RFC1: variants seen among roughly 807,000 people sequenced by gnomAD.
The protein encoded by RFC1 is A1 140 kDa subunit.
A neutral mutation model predicts 137.4 loss-of-function variants in RFC1; 37 were observed. The observed-to-expected ratio is 0.27, with a 90% CI of 0.21 to 0.35. RFC1 has a LOEUF of 0.35. RFC1 is among the 10% of genes least tolerant of loss of function. The pLI is 1.00. For missense variants in RFC1, 1,205 were observed against 1,358.5 expected (o/e 0.89, Z 1.78); for synonymous variants, 429 against 455.7 (o/e 0.94, Z 0.75).
chr4:39,300,629 T>C (rs6531709), intron 19 of RFC1, among the ~76,000 whole-genome samples: 1 of 152,076 alleles, frequency 6.6e-6, no homozygotes, highest in Non-Finnish European at 1.5e-5. Flanking sequence ...TGAAACTATG[T>C]TCACACAAAA....
chr4:39,302,831 C>A lies in RFC1; in HGVS notation c.2246G>T (p.Cys749Phe). 1 of 1,593,832 alleles carries A rather than the reference C, an allele frequency of 6.3e-7. No homozygotes were observed. The highest frequency in any genetic ancestry group is 1.2e-5 in the South Asian group (1 of 86,492). ...GGGATGATTTCTATCATTGCACATA[C>A]AAATAATGGGAATTTTAGTATGTTT... is the stretch of plus-strand genomic sequence containing the variant. ...LIKHTKIPII[C>F]MCNDRNHPKI... is the part of the protein sequence containing the mutation. Residue 749 changes from cysteine (C) to phenylalanine (F), a missense_variant, in exon 17 of 25, where the codon TGT becomes TTT. Transcript: ENST00000349703.
In RFC1 at chr4:39,306,488, C is replaced by G; in HGVS notation, c.1995+104G>C. The G allele has an allele frequency of 1.4e-5, 8 of 585,632 alleles. 1 individual carries two copies. The South Asian group carries it at 1.8e-4, about 13-fold the overall frequency. 36.3% of individuals were successfully genotyped at this position (585,632 alleles called of 1,614,324 possible). ...AATAAACACAGTTTATATATAGACA[C>G]CACACACACACATGCACACGCACAG... On this transcript the variant is annotated intron_variant, in intron 14 of 24. Coordinates refer to ENST00000349703, the MANE Select transcript of RFC1 (RefSeq NM_002913.5).
chr4:39,324,315 T>C (rs576944612), intron 6 of RFC1, among the ~76,000 whole-genome samples: 1 of 152,312 alleles, frequency 6.6e-6, no homozygotes, highest in African/African-American at 2.4e-5. Context: ...TTAATCAGAT[T>C]AATAAATTAC....
At chr4:39,358,513 C>T (rs987360477) in intron 1 of RFC1, among the ~76,000 whole-genome samples, 1 of 152,014 alleles carries the variant, frequency 6.6e-6, no homozygotes, top group African/African-American at 2.4e-5. Flanking sequence ...GAAAACGCAC[C>T]GTGAGCCACG....
intron 2 of RFC1, among the ~76,000 whole-genome samples, chr4:39,348,435 A>AAAAGAAAAGAAAAG (rs1740990262): frequency 1.1e-5 from 1 of 87,670 alleles, no homozygotes; most frequent in Non-Finnish European, 2.5e-5. Flanking sequence ...AAAAGAAAAG[A>AAAAGAAAAGAAAAG]AAAGAAAAGA....
chr4:39,303,121 T>C lies in RFC1; in HGVS notation c.2141A>G (p.His714Arg). The change falls in exon 16 of 25, where the codon CAT becomes CGT. Residue 714 changes from histidine to arginine, a missense_variant. This residue lies in a region of RFC1 where 962 missense variants were observed against 1,035.3 expected (regional missense o/e 0.93). Transcript: ENST00000349703. ...ATCTACTTCATCCATGATGAGAGCATGTTTCGTGCTTACTGAAGAGGCTGC... is the reference window on the plus strand; with the variant it reads ...ATCTACTTCATCCATGATGAGAGCACGTTTCGTGCTTACTGAAGAGGCTGC... ...NGAASSVSTK[H>R]ALIMDEVDGM... 1.2e-6 allele frequency: 2 copies of C among 1,613,952 alleles called. No individual in the cohort carries two copies. Among genetic ancestry groups the C allele is most frequent in the Non-Finnish European group, 8.5e-7 (1 of 1,179,890 alleles).
chr4:39,351,041 G>A (rs538740467), intron 2 of RFC1, among the ~76,000 whole-genome samples: 1 of 152,012 alleles, frequency 6.6e-6, no homozygotes, highest in Admixed American at 6.6e-5. Context: ...ACGAGGTCAG[G>A]AGATCGAGAC....
chr4:39,290,803 AG>A (rs1304617006), intron 23 of RFC1, among the ~76,000 whole-genome samples: 1 of 136,542 alleles, frequency 7.3e-6, no homozygotes, highest in African/African-American at 3.0e-5. Context: ...CAACAGAGCT[AG>A]ACTGTCTCAA....
intron 22 of RFC1, among the ~76,000 whole-genome samples, chr4:39,294,673 A>G (rs76582241): frequency 7.3e-6 from 1 of 137,280 alleles, no homozygotes; most frequent in Admixed American, 7.2e-5. Context: ...CTGTCTCAAT[A>G]AAAAAAAAAA....
At chr4:39,327,413 T>G in intron 5 of RFC1, 111 bp downstream of exon 5, 1 of 552,916 alleles carries the variant, frequency 1.8e-6, no homozygotes, top group Admixed American at 3.9e-5. Flanking sequence ...ATAGGAAAAT[T>G]ATTTTAATTA....
At chr4:39,316,582 C>A (rs763571601) in intron 10 of RFC1, among the ~76,000 whole-genome samples, 5 of 152,156 alleles carry the variant, frequency 3.3e-5, no homozygotes, top group Non-Finnish European at 7.4e-5. Context: ...TCCCTCATAG[C>A]ACATATCCCA....
intron 16 of RFC1, 86 bp from the exon 17 acceptor site, chr4:39,302,960 C>T: frequency 6.8e-7 from 1 of 1,474,734 alleles, no homozygotes; most frequent in Non-Finnish European, 9.5e-7. Flanking sequence ...AAAATCTCCT[C>T]AGCAACATGC....
intron 1 of RFC1, among the ~76,000 whole-genome samples, chr4:39,358,737 G>GA (rs1741604485): frequency 6.6e-6 from 1 of 152,074 alleles, no homozygotes; most frequent in Admixed American, 6.6e-5. Context: ...ACGGAAATAC[G>GA]AAAAAACAAA....
chr4:39,345,268 G>A, intron 3 of RFC1, 133 bp downstream of exon 3: 1 of 633,024 alleles, frequency 1.6e-6, no homozygotes, highest in Non-Finnish European at 2.6e-6. Flanking sequence ...GCCTGCCTTT[G>A]CCTCCCAAAG....
chr4:39,329,576 G>A (rs1019054571), intron 4 of RFC1, among the ~76,000 whole-genome samples: 1 of 150,266 alleles, frequency 6.7e-6, no homozygotes, highest in African/African-American at 2.4e-5. Context: ...AAAAAAAAAA[G>A]AAAAAGAAAA....
intron 2 of RFC1, 58 bp downstream of exon 2, chr4:39,351,286 CTTAT>C: frequency 2.8e-6 from 1 of 351,506 alleles, no homozygotes; most frequent in Non-Finnish European, 4.6e-6. Flanking sequence ...AAAAAAAAAA[CTTAT>C]AAGAACTGAG....
At chr4:39,364,482 G>A (rs1283222966) in intron 1 of RFC1, among the ~76,000 whole-genome samples, 1 of 152,068 alleles carries the variant, frequency 6.6e-6, no homozygotes, top group Non-Finnish European at 1.5e-5. Flanking sequence ...TTTCTGAGAA[G>A]AGGTCTATTT....
chr4:39,355,264 T>TAA (rs920133748), intron 1 of RFC1, among the ~76,000 whole-genome samples: 21 of 137,592 alleles, frequency 1.5e-4, no homozygotes, highest in Non-Finnish European at 2.7e-4. Context: ...TCTCTACAAA[T>TAA]AAAAAAAAAA....
At chr4:39,314,129 T>C (rs1347244137) in intron 10 of RFC1, among the ~76,000 whole-genome samples, 2 of 152,178 alleles carry the variant, frequency 1.3e-5, no homozygotes, top group African/African-American at 4.8e-5. Flanking sequence ...AGTTCAATCC[T>C]TCACCATTCA....
Sources: allele counts gnomAD v4.1 joint callset (sites outside exome capture counted in the v4.1 genomes callset), GRCh38; gene constraint gnomAD v4.1.1; regional missense constraint gnomAD v4.1.1; transcripts MANE v1.5; gene names NCBI Gene and HGNC (gene_info 2026-07-23, HGNC 2026-07-21).